The following TEC variants were observed in gnomAD, a reference collection of about 807,000 sequenced individuals.
The protein encoded by TEC is tyrosine-protein kinase Tec.
In TEC, 72 loss-of-function variants were observed where a neutral mutation model predicts 93.0. That is an observed-to-expected ratio of 0.77 (90% CI 0.64 to 0.94). The LOEUF (loss-of-function observed/expected upper bound fraction) is 0.94. Ranked by LOEUF, TEC falls within the 40% of genes least tolerant of loss-of-function variation. The probability of loss-of-function intolerance (pLI) is 0.00; values close to 1 mark genes in which losing one functional copy is unlikely to be tolerated. For missense variants in TEC, 630 were observed against 757.9 expected, an observed-to-expected ratio of 0.83 and a Z score of 1.98; for synonymous variants, 249 against 247.7, an observed-to-expected ratio of 1.01 and a Z score of -0.05.
At chr4:48,185,287 C>T (rs1248561724) in intron 2 of TEC, among the ~76,000 whole-genome samples, 1 of 152,174 alleles carries the variant, frequency 6.6e-6, no homozygotes, top group Non-Finnish European at 1.5e-5. Flanking sequence ...TTTCCCTTTC[C>T]ACTCAGAACA....
chr4:48,188,136 T>C (rs1721961585), intron 2 of TEC, among the ~76,000 whole-genome samples: 1 of 152,130 alleles, frequency 6.6e-6, no homozygotes, highest in Non-Finnish European at 1.5e-5. Flanking sequence ...CCTACTGGAC[T>C]CAAAAGATCC....
At chr4:48,176,452 G>C (rs2073445038) in intron 2 of TEC, among the ~76,000 whole-genome samples, 1 of 152,128 alleles carries the variant, frequency 6.6e-6, no homozygotes, top group African/African-American at 2.4e-5. Flanking sequence ...CAGGTGCCGT[G>C]GCTCATCCCT....
chr4:48,180,997 A>C (rs182798509), intron 2 of TEC, among the ~76,000 whole-genome samples: 2 of 152,146 alleles, frequency 1.3e-5, no homozygotes, highest in African/African-American at 4.8e-5. Context: ...AGTTCACAAA[A>C]CTTTGTGACC....
chr4:48,188,474 A>AT (rs1721971734), intron 2 of TEC, among the ~76,000 whole-genome samples: 1 of 151,936 alleles, frequency 6.6e-6, no homozygotes, highest in Admixed American at 6.6e-5. Context: ...TCATTATTTA[A>AT]TTTTTTCCAT....
At chr4:48,149,269 G>A (rs983586731) in intron 11 of TEC, among the ~76,000 whole-genome samples, 4 of 152,096 alleles carry the variant, frequency 2.6e-5, no homozygotes, top group Admixed American at 6.5e-5. Context: ...CCACAATGGC[G>A]GAACTAATTT....
At chr4:48,225,707 T>G (rs1412391794) in intron 2 of TEC, among the ~76,000 whole-genome samples, 1 of 150,836 alleles carries the variant, frequency 6.6e-6, no homozygotes, top group African/African-American at 2.5e-5. Context: ...TTTCTTTTTT[T>G]TTCTTTTTTT....
intron 2 of TEC, among the ~76,000 whole-genome samples, chr4:48,193,679 T>G (rs546107101): frequency 3.9e-5 from 6 of 152,238 alleles, no homozygotes; most frequent in Non-Finnish European, 7.4e-5. Context: ...TTTCAGTTCT[T>G]AGGTTTCTAT....
chr4:48,263,576 T>C (rs1489820600), intron 1 of TEC, among the ~76,000 whole-genome samples: 1 of 152,110 alleles, frequency 6.6e-6, no homozygotes, highest in East Asian at 1.9e-4. Flanking sequence ...TAGCTGGGTG[T>C]GGTGGCGTGC....
chr4:48,215,900 C>G (rs904209099), intron 2 of TEC, among the ~76,000 whole-genome samples: 2 of 152,176 alleles, frequency 1.3e-5, no homozygotes, highest in Admixed American at 1.3e-4. Context: ...GCTTAACAAC[C>G]AGCTCACTAG....
intron 2 of TEC, among the ~76,000 whole-genome samples, chr4:48,204,600 T>C (rs1722641508): frequency 6.6e-6 from 1 of 152,208 alleles, no homozygotes; most frequent in Non-Finnish European, 1.5e-5. Flanking sequence ...CACCAGGGAA[T>C]GGTTTTGTGG....
At chr4:48,137,748 T>C (rs16861035) in intron 17 of TEC, among the ~76,000 whole-genome samples, 5,585 of 152,298 alleles carry the variant, frequency 0.037, 343 homozygotes, top group African/African-American at 0.13. Context: ...TTTTACTGCC[T>C]GTGAAATCAA....
At chr4:48,156,378 T>C (rs541883158) in intron 9 of TEC, among the ~76,000 whole-genome samples, 2 of 152,208 alleles carry the variant, frequency 1.3e-5, no homozygotes, top group Admixed American at 6.5e-5. Flanking sequence ...CAGCTGCACA[T>C]GTTTCACCCT....
intron 2 of TEC, among the ~76,000 whole-genome samples, chr4:48,223,060 G>A (rs16861128): frequency 0.054 from 8,189 of 152,056 alleles, 755 homozygotes; most frequent in African/African-American, 0.19. Flanking sequence ...CTGATGAAAC[G>A]GAGGAGCTAA....
intron 1 of TEC, among the ~76,000 whole-genome samples, chr4:48,239,992 G>GTGTGTA (rs1723883574): frequency 6.6e-6 from 1 of 151,892 alleles, no homozygotes; most frequent in Non-Finnish European, 1.5e-5. Flanking sequence ...GTGTGTGTGT[G>GTGTGTA]TGTGTGTGTG....
chr4:48,268,250 T>G (rs986563389), intron 1 of TEC, among the ~76,000 whole-genome samples: 2 of 152,272 alleles, frequency 1.3e-5, no homozygotes, highest in Non-Finnish European at 2.9e-5. Flanking sequence ...GTGAAAATTC[T>G]AGTTGGACCT....
intron 1 of TEC, among the ~76,000 whole-genome samples, chr4:48,247,297 A>C (rs996980051): frequency 2.0e-5 from 3 of 152,264 alleles, no homozygotes; most frequent in African/African-American, 7.2e-5. Context: ...CTGGAAATGT[A>C]AAATGGTACA....
At chr4:48,243,655 A>C (rs1254896014) in intron 1 of TEC, among the ~76,000 whole-genome samples, 1 of 152,244 alleles carries the variant, frequency 6.6e-6, no homozygotes, top group East Asian at 1.9e-4. Context: ...ACACAACAGA[A>C]GCTAACAATT....
rs1337482176 is a variant in TEC, at chr4:48,173,777, T to A, written c.243+2305A>T. ...AGACAAAAGGTAGACAGATCTGGGT[T>A]TGAAGCCCAGGGAAGACATGCCAGC... is the stretch of plus-strand genomic sequence containing the variant. On this transcript the variant is annotated intron_variant, in intron 3 of 17. Coordinates refer to ENST00000381501, the MANE Select transcript of TEC (RefSeq NM_003215.3). Among the ~76,000 whole-genome samples the A allele has an allele frequency of 2.0e-5, 3 of 152,152 alleles. No homozygotes were observed. In the East Asian group the frequency reaches 5.8e-4, roughly 29 times the overall value.
In TEC at chr4:48,269,813, G is replaced by A. The variant is rs1361137653; in HGVS notation, c.-107C>T. 3.3e-5 allele frequency: 5 copies of A among 151,858 alleles called. No homozygotes were observed. The highest frequency in any genetic ancestry group is 1.2e-4 in the African/African-American group (5 of 41,396). The allele number at this position is 151,858 out of a possible 1,614,324, so 9.4% of individuals were successfully genotyped here. A position where few individuals can be genotyped will look rare whatever the true frequency, so the allele number is the denominator to read the frequency against. ...ACTGCGAGGTGCAGTCTGCGCCGCGGAGTCCGGAGCCTAGCGCCCCAGAGT... is the reference window on the plus strand; with the variant it reads ...ACTGCGAGGTGCAGTCTGCGCCGCGAAGTCCGGAGCCTAGCGCCCCAGAGT... On this transcript the variant is annotated 5_prime_UTR_variant, in exon 1 of 18. Coordinates refer to ENST00000381501, the MANE Select transcript of TEC (RefSeq NM_003215.3).
Sources: allele counts gnomAD v4.1 joint callset (sites outside exome capture counted in the v4.1 genomes callset), GRCh38; gene constraint gnomAD v4.1.1; transcripts MANE v1.5; gene names NCBI Gene and HGNC (gene_info 2026-07-23, HGNC 2026-07-21).